Variants in SOS1 observed in about 807,000 individuals in gnomAD.
SOS1 encodes the protein son of sevenless homolog 1.
In SOS1, 25 loss-of-function variants were observed where a neutral mutation model predicts 157.6. The observed-to-expected ratio is 0.16, with a 90% CI of 0.12 to 0.22. The LOEUF is 0.22. Ranked by LOEUF, SOS1 falls within the 10% of genes least tolerant of loss-of-function variation. SOS1 has a pLI of 1.00. For synonymous variants in SOS1, 528 were observed against 534.0 expected, an observed-to-expected ratio of 0.99 and a Z score of 0.16; for missense variants, 1,237 against 1,599.1, an observed-to-expected ratio of 0.77 and a Z score of 3.86.
chr2:39,081,224 A>G (rs1054412415), intron 1 of SOS1, among the ~76,000 whole-genome samples: 1 of 152,146 alleles, frequency 6.6e-6, no homozygotes, highest in African/African-American at 2.4e-5. Context: ...TTATTAGTAA[A>G]GAATGTTCAT....
chr2:39,043,606 G>A (rs1317818473), intron 6 of SOS1, among the ~76,000 whole-genome samples: 7 of 152,164 alleles, frequency 4.6e-5, no homozygotes, highest in Non-Finnish European at 5.9e-5. Context: ...CACAGCTTTG[G>A]AGGCTAGAAG....
intron 17 of SOS1, among the ~76,000 whole-genome samples, chr2:39,002,522 G>C (rs138059627): frequency 1.3e-5 from 2 of 152,192 alleles, no homozygotes; most frequent in East Asian, 3.9e-4. Flanking sequence ...ATCATGAGTA[G>C]CATGACTATA....
At chr2:38,990,034 A>G (rs969039259) in intron 20 of SOS1, among the ~76,000 whole-genome samples, 1 of 152,128 alleles carries the variant, frequency 6.6e-6, no homozygotes, top group Non-Finnish European at 1.5e-5. Context: ...TAGGTGATCT[A>G]TACTGATTCT....
At position 39,014,060 on chromosome 2, in the gene SOS1, G is replaced by A. The variant is rs776977663; in HGVS notation, c.1941-71C>T. 30 of 1,147,168 alleles carry A rather than the reference G, an allele frequency of 2.6e-5. 1 individual carries two copies. The highest frequency in any genetic ancestry group is 4.5e-4 in the Middle Eastern group (2 of 4,428). The allele number at this position is 1,147,168 out of a possible 1,614,324, so 71.1% of individuals were successfully genotyped here. ...GTTATACAAATAGAAAACCACAAAC[G>A]TTTTCACCAGTCAGCAAAATCAAGA... is the stretch of plus-strand genomic sequence containing the variant. On this transcript the variant is annotated intron_variant, in intron 11 of 22. Transcript: ENST00000402219.
intron 1 of SOS1, among the ~76,000 whole-genome samples, chr2:39,070,031 G>A (rs1671743691): frequency 6.6e-6 from 1 of 152,102 alleles, no homozygotes; most frequent in Admixed American, 6.5e-5. Flanking sequence ...TAGACAGTGT[G>A]TACTACAGCC....
intron 1 of SOS1, among the ~76,000 whole-genome samples, chr2:39,082,007 G>T (rs1672218323): frequency 6.6e-6 from 1 of 152,038 alleles, no homozygotes; most frequent in Non-Finnish European, 1.5e-5. Context: ...TTATGTCATG[G>T]TAAATGGGGT....
intron 9 of SOS1, 127 bp from the exon 10 acceptor site, chr2:39,023,352 ATAGAT>A (rs1669857617): frequency 1.6e-6 from 1 of 628,668 alleles, no homozygotes; most frequent in Non-Finnish European, 2.6e-6. Context: ...AATTCCCCAA[ATAGAT>A]TAGAATTACA....
chr2:39,016,441 T>A (rs1669633561), intron 10 of SOS1, among the ~76,000 whole-genome samples: 1 of 152,114 alleles, frequency 6.6e-6, no homozygotes, highest in Admixed American at 6.6e-5. Context: ...TAATGTCTCA[T>A]CCAGAAGAAA....
rs1273635244 is a variant in SOS1 at position 39,044,850 on chromosome 2, ATGCGCGCGCGCGCG to A, written c.864+6280_864+6293del. Among the ~76,000 whole-genome samples the A allele has an allele frequency of 6.3e-3, 410 of 65,580 alleles. 2 individuals are homozygous for A. Among genetic ancestry groups the A allele is most frequent in the Admixed American group, 6.9e-3 (41 of 5,966 alleles). 43.0% of individuals were successfully genotyped at this position (65,580 alleles called of 152,430 possible). ...CTGAGGGATGACTGTGTACACACACATGCGCGCGCGCGCGCACACACACACACACACTCTGTTGT... is the reference window on the plus strand; with the variant it reads ...CTGAGGGATGACTGTGTACACACACACACACACACACACACACTCTGTTGT... On this transcript the variant is annotated intron_variant, in intron 6 of 22. Coordinates refer to ENST00000402219, the MANE Select transcript of SOS1 (RefSeq NM_005633.4).
chr2:39,022,534 G>A (rs1290391159), intron 10 of SOS1, 36 bp downstream of exon 10: 6 of 1,559,586 alleles, frequency 3.8e-6, no homozygotes, highest in African/African-American at 2.7e-5. Context: ...TTTGAAGCAG[G>A]AAAACAAAAG....
chr2:39,074,185 A>G (rs927163137), intron 1 of SOS1, among the ~76,000 whole-genome samples: 1 of 152,116 alleles, frequency 6.6e-6, no homozygotes, highest in African/African-American at 2.4e-5. Context: ...CCCCGTGTGT[A>G]CTAAAAATAC....
intron 2 of SOS1, among the ~76,000 whole-genome samples, chr2:39,060,792 G>C (rs1019158868): frequency 1.2e-4 from 18 of 152,108 alleles, no homozygotes; most frequent in African/African-American, 3.9e-4. Flanking sequence ...TAATGGCCAT[G>C]ACCTGGAGTC....
intron 1 of SOS1, among the ~76,000 whole-genome samples, chr2:39,118,177 T>G (rs552626589): frequency 3.9e-4 from 59 of 152,240 alleles, no homozygotes; most frequent in African/African-American, 1.3e-3. Context: ...ACAGTTCAGG[T>G]TGAGTGAGTC....
chr2:39,043,627 G>T (rs560773481), intron 6 of SOS1, among the ~76,000 whole-genome samples: 214 of 152,334 alleles, frequency 1.4e-3, no homozygotes, highest in African/African-American at 5.0e-3. Flanking sequence ...GTCAAGACAG[G>T]CAGGTGCATC....
At chr2:39,057,965 T>C (rs1671268915) in intron 3 of SOS1, among the ~76,000 whole-genome samples, 1 of 152,102 alleles carries the variant, frequency 6.6e-6, no homozygotes, top group Non-Finnish European at 1.5e-5. Context: ...TCACCTCATT[T>C]ACAAACTGTG....
chr2:39,026,156 A>T (rs950053099), intron 8 of SOS1, among the ~76,000 whole-genome samples: 5 of 152,080 alleles, frequency 3.3e-5, no homozygotes, highest in Non-Finnish European at 7.4e-5. Context: ...GGAGTTTGAG[A>T]CCAGCCTGGC....
intron 1 of SOS1, among the ~76,000 whole-genome samples, chr2:39,093,718 T>C (rs924576169): frequency 2.6e-5 from 4 of 152,116 alleles, no homozygotes; most frequent in Non-Finnish European, 4.4e-5. Context: ...ATCAGAGAGA[T>C]AGTAGGAGGC....
intron 15 of SOS1, 149 bp from the exon 16 acceptor site, chr2:39,007,342 AGAAG>A: frequency 1.6e-6 from 1 of 630,448 alleles, no homozygotes; most frequent in Non-Finnish European, 2.8e-6. Flanking sequence ...GGTGACTGAT[AGAAG>A]GAAGGCAGTG....
intron 1 of SOS1, among the ~76,000 whole-genome samples, chr2:39,079,790 G>A (rs1558504059): frequency 6.6e-6 from 1 of 152,240 alleles, no homozygotes; most frequent in East Asian, 1.9e-4. Flanking sequence ...ACTGTGCCTG[G>A]CCAGAAATAC....
Sources: allele counts gnomAD v4.1 joint callset (sites outside exome capture counted in the v4.1 genomes callset), GRCh38; gene constraint gnomAD v4.1.1; transcripts MANE v1.5; gene names NCBI Gene and HGNC (gene_info 2026-07-23, HGNC 2026-07-21).